The following DENND2A variants were observed in gnomAD, a reference collection of about 807,000 sequenced individuals.
DENND2A encodes the protein DENN domain-containing protein 2A.
In DENND2A, 53 loss-of-function variants were observed where a neutral mutation model predicts 105.3. The ratio of observed to expected loss-of-function variants is 0.50; its 90% CI spans 0.40 to 0.63. DENND2A has a LOEUF of 0.63. DENND2A is among the 30% of genes least tolerant of loss of function. DENND2A has a pLI of 0.00. For missense variants in DENND2A, 1,138 were observed against 1,279.6 expected (o/e 0.89, Z 1.69); for synonymous variants, 522 against 508.4 (o/e 1.03, Z -0.36).
chr7:140,536,821 C>T (rs1250681699), intron 14 of DENND2A, among the ~76,000 whole-genome samples: 3 of 152,110 alleles, frequency 2.0e-5, no homozygotes, highest in African/African-American at 7.2e-5. Context: ...TGCCATCATG[C>T]CCAGCTAATT....
upstream of DENND2A, among the ~76,000 whole-genome samples, chr7:140,641,206 G>A (rs1051047773): frequency 2.0e-5 from 3 of 152,080 alleles, no homozygotes; most frequent in African/African-American, 4.8e-5. Context: ...AGTGAGTCAG[G>A]CACCACCCTT....
chr7:140,530,142 T>C (rs1249029019), intron 14 of DENND2A, among the ~76,000 whole-genome samples: 1 of 151,874 alleles, frequency 6.6e-6, no homozygotes, highest in African/African-American at 2.4e-5. Context: ...GAAGATTACT[T>C]GAACCTGGAA....
intron 1 of DENND2A, among the ~76,000 whole-genome samples, chr7:140,628,494 C>T (rs1800612198): frequency 6.7e-6 from 1 of 150,050 alleles, no homozygotes; most frequent in Admixed American, 6.7e-5. Context: ...ATTTAGCTAA[C>T]TTTCAAGATA....
chr7:140,526,410 C>T (rs1269636919), intron 15 of DENND2A, among the ~76,000 whole-genome samples: 2 of 152,242 alleles, frequency 1.3e-5, no homozygotes, highest in Admixed American at 6.5e-5. Context: ...GCGACCCTCA[C>T]TCAGACCCCA....
chr7:140,597,085 G>T (rs1481411303), intron 3 of DENND2A, among the ~76,000 whole-genome samples: 1 of 151,962 alleles, frequency 6.6e-6, no homozygotes, highest in Non-Finnish European at 1.5e-5. Context: ...GAGGGAGAGA[G>T]AAAAGGAGGG....
At chr7:140,534,923 GGTTGGGTCCAAGGATGTTTTGCT>G (rs1796406218) in intron 14 of DENND2A, among the ~76,000 whole-genome samples, 1 of 152,178 alleles carries the variant, frequency 6.6e-6, no homozygotes, top group Admixed American at 6.6e-5. Flanking sequence ...GGGTGAGAAG[GGTTGGGTCCAAGGATGTTTTGCT>G]GTTGGGTGGT....
At chr7:140,574,804 G>A (rs1336268837) in intron 5 of DENND2A, among the ~76,000 whole-genome samples, 3 of 152,098 alleles carry the variant, frequency 2.0e-5, no homozygotes, top group Non-Finnish European at 4.4e-5. Flanking sequence ...GATCACTTGA[G>A]GTCAGGAGTT....
At chr7:140,532,346 C>T (rs986117871) in intron 14 of DENND2A, among the ~76,000 whole-genome samples, 6 of 152,150 alleles carry the variant, frequency 3.9e-5, no homozygotes, top group African/African-American at 1.4e-4. Flanking sequence ...TTTTATAGCA[C>T]GTTTGCCAAA....
chr7:140,617,077 C>T (rs1200794906), intron 1 of DENND2A, among the ~76,000 whole-genome samples: 3 of 152,144 alleles, frequency 2.0e-5, no homozygotes, highest in East Asian at 1.9e-4. Flanking sequence ...AGGATGGTCT[C>T]GAACTCCCGA....
At chr7:140,568,688 T>C (rs1797969593) in intron 8 of DENND2A, 75 bp downstream of exon 8, 1 of 1,490,716 alleles carries the variant, frequency 6.7e-7, no homozygotes, top group Admixed American at 1.7e-5. Flanking sequence ...CTGTCCCTCA[T>C]ACTAAGGAGG....
At chr7:140,617,248 C>T (rs890659177) in intron 1 of DENND2A, among the ~76,000 whole-genome samples, 2 of 152,220 alleles carry the variant, frequency 1.3e-5, no homozygotes, top group African/African-American at 4.8e-5. Context: ...GTGCGTGCAC[C>T]TTTTCCTGGA....
At chr7:140,529,197 G>A (rs763303201) in intron 14 of DENND2A, among the ~76,000 whole-genome samples, 18 of 152,064 alleles carry the variant, frequency 1.2e-4, no homozygotes, top group Non-Finnish European at 2.2e-4. Flanking sequence ...GGTGGCTGAC[G>A]CCTATAATCA....
At chr7:140,631,893 G>A (rs1220439748) in intron 1 of DENND2A, among the ~76,000 whole-genome samples, 1 of 151,988 alleles carries the variant, frequency 6.6e-6, no homozygotes, top group African/African-American at 2.4e-5. Flanking sequence ...CTATCTTCGC[G>A]GTCACCACCC....
intron 1 of DENND2A, among the ~76,000 whole-genome samples, chr7:140,622,505 C>G (rs1800332101): frequency 6.6e-6 from 1 of 152,128 alleles, no homozygotes; most frequent in Admixed American, 6.6e-5. Context: ...TTTCACAGCC[C>G]CTCCTCCTCA....
At chr7:140,623,061 G>A (rs1415847314) in intron 1 of DENND2A, among the ~76,000 whole-genome samples, 1 of 152,118 alleles carries the variant, frequency 6.6e-6, no homozygotes, top group Non-Finnish European at 1.5e-5. Context: ...CCGGCTGGGT[G>A]TGGTGGCTCA....
At chr7:140,541,576 A>G (rs2130511692) in intron 14 of DENND2A, among the ~76,000 whole-genome samples, 1 of 152,268 alleles carries the variant, frequency 6.6e-6, no homozygotes, top group South Asian at 2.1e-4. Flanking sequence ...AAAGACAGTT[A>G]CTATGGTGCT....
At position 140,628,377 on chromosome 7, in the gene DENND2A, C is replaced by T. The variant is rs577838005; in HGVS notation, c.-248+12127G>A. Among the ~76,000 whole-genome samples the T allele has an allele frequency of 8.0e-4, 122 of 152,154 alleles. No individual in the cohort carries two copies. The South Asian group carries it at 0.023, about 29-fold the overall frequency. On this transcript the variant is annotated intron_variant, in intron 1 of 19. Transcript: ENST00000496613. The stretch of plus-strand genomic sequence containing the variant: ...AAGGCGGAGGTCGCCCTCAGACCAG[C>T]GCAGCTTGCTCTGCCTGACCTGAGA...
chr7:140,567,294 G>A (rs1563146494), intron 8 of DENND2A, 21 bp from the exon 9 acceptor site: 8 of 1,163,802 alleles, frequency 6.9e-6, no homozygotes, highest in South Asian at 1.6e-5. Flanking sequence ...GAGGGAGAGA[G>A]AAAGAGAGAA....
chr7:140,520,712 C>G (rs1405913551), intron 18 of DENND2A, among the ~76,000 whole-genome samples: 2 of 150,998 alleles, frequency 1.3e-5, no homozygotes, highest in Non-Finnish European at 2.9e-5. Context: ...GCGCCTGCCA[C>G]CATGCCCAGC....
Sources: allele counts gnomAD v4.1 joint callset (sites outside exome capture counted in the v4.1 genomes callset), GRCh38; gene constraint gnomAD v4.1.1; transcripts MANE v1.5; gene names NCBI Gene and HGNC (gene_info 2026-07-23, HGNC 2026-07-21).